ACACB: variants seen among roughly 807,000 people sequenced by gnomAD.
ACACB encodes acetyl-CoA carboxylase beta.
A neutral mutation model predicts 278.8 loss-of-function variants in ACACB; 209 were observed. That is an observed-to-expected ratio of 0.75 (90% CI 0.67 to 0.84). ACACB has a LOEUF of 0.84. Ranked by LOEUF, ACACB falls within the 40% of genes least tolerant of loss-of-function variation. ACACB has a pLI of 0.00. For missense variants in ACACB, 2,850 were observed against 3,269.0 expected (o/e 0.87, Z 3.13); for synonymous variants, 1,174 against 1,285.6 (o/e 0.91, Z 1.86).
At chr12:109,142,342 T>A (rs977740635) in intron 2 of ACACB, among the ~76,000 whole-genome samples, 8 of 152,156 alleles carry the variant, frequency 5.3e-5, no homozygotes, top group African/African-American at 1.9e-4. Flanking sequence ...GCCAAAATAG[T>A]CGTGAAGATT....
In ACACB at chr12:109,259,104, G is replaced by T; in HGVS notation, c.6492G>T (p.Met2164Ile). Reference sequence around the variant, plus strand: ...ACTGGAGGGGGTTCTCCGGTGGCATGAAAGGTAAGCCCCTCCCTGCCTATG... The same window carrying T: ...ACTGGAGGGGGTTCTCCGGTGGCATTAAAGGTAAGCCCCTCCCTGCCTATG... ...FANWRGFSGGMKDMYDQVLKF... is the reference protein window; with the variant it reads ...FANWRGFSGGIKDMYDQVLKF... The change falls in exon 47 of 53, where the codon ATG becomes ATT. Residue 2164 changes from methionine to isoleucine, a missense_variant. Around this residue, in one of 3 missense-constraint regions of ACACB, gnomAD observed 579 missense variants for 684.6 expected, o/e 0.85. Transcript: ENST00000338432. 1.9e-6 allele frequency: 3 copies of T among 1,613,976 alleles called. No individual in the cohort carries two copies. Among genetic ancestry groups the T allele is most frequent in the Non-Finnish European group, 2.5e-6 (3 of 1,179,966 alleles).
At chr12:109,190,512 C>T (rs1165139060) in intron 13 of ACACB, among the ~76,000 whole-genome samples, 1 of 152,228 alleles carries the variant, frequency 6.6e-6, no homozygotes, top group African/African-American at 2.4e-5. Context: ...AGGTGCACCC[C>T]ACACACACCA....
At chr12:109,129,717 A>AAAC (rs1565847034) in intron 1 of ACACB, among the ~76,000 whole-genome samples, 1 of 152,102 alleles carries the variant, frequency 6.6e-6, no homozygotes, top group African/African-American at 2.4e-5. Flanking sequence ...TGCCCCCCAA[A>AAAC]AGCAGTTCTA....
intron 11 of ACACB, among the ~76,000 whole-genome samples, chr12:109,181,493 G>C (rs1326381045): frequency 6.6e-6 from 1 of 152,064 alleles, no homozygotes. Context: ...TTCCCAAAGT[G>C]CTAGGATTAC....
chr12:109,254,801 G>A (rs1164386932), intron 44 of ACACB, among the ~76,000 whole-genome samples: 2 of 150,588 alleles, frequency 1.3e-5, no homozygotes, highest in African/African-American at 2.4e-5. Context: ...TTTTGAGACA[G>A]TGTTGCTCTG....
upstream of ACACB, among the ~76,000 whole-genome samples, chr12:109,112,398 A>T (rs2042322106): frequency 6.6e-6 from 1 of 151,740 alleles, no homozygotes; most frequent in South Asian, 2.1e-4. Context: ...TTAATTACTG[A>T]TTCTTTAGAA....
At chr12:109,251,901 C>G in intron 41 of ACACB, 145 bp from the exon 42 acceptor site, 1 of 545,580 alleles carries the variant, frequency 1.8e-6, no homozygotes, top group East Asian at 3.1e-5. Context: ...GCTTTTGCCT[C>G]TACTGTGGTT....
At chr12:109,253,603 G>A (rs1345168688) in intron 43 of ACACB, among the ~76,000 whole-genome samples, 1 of 152,200 alleles carries the variant, frequency 6.6e-6, no homozygotes, top group East Asian at 1.9e-4. Context: ...TTATCATGAT[G>A]ATTAAGTGAA....
upstream of ACACB, chr12:109,116,553 G>A (rs2042407311): frequency 6.6e-6 from 1 of 152,198 alleles, no homozygotes; most frequent in Non-Finnish European, 1.5e-5. Context: ...AACAGCAGGG[G>A]CTGATTAATC....
At chr12:109,118,570 C>T (rs1286715407) in intron 1 of ACACB, among the ~76,000 whole-genome samples, 4 of 152,122 alleles carry the variant, frequency 2.6e-5, no homozygotes, top group African/African-American at 7.2e-5. Context: ...AGCACTACCA[C>T]GCCCAGCTAA....
At chr12:109,185,890 A>G in intron 12 of ACACB, 150 bp downstream of exon 12, 3 of 671,840 alleles carry the variant, frequency 4.5e-6, no homozygotes, top group South Asian at 5.4e-5. Context: ...GGGACATCCC[A>G]TGGTTTATTT....
intron 1 of ACACB, among the ~76,000 whole-genome samples, chr12:109,126,001 G>T (rs1406526410): frequency 6.6e-6 from 1 of 152,160 alleles, no homozygotes; most frequent in Non-Finnish European, 1.5e-5. Flanking sequence ...GCAGGGCTGG[G>T]CCATTCCTGC....
chr12:109,142,190 A>G (rs1353428093), intron 2 of ACACB, among the ~76,000 whole-genome samples: 1 of 152,164 alleles, frequency 6.6e-6, no homozygotes, highest in African/African-American at 2.4e-5. Context: ...TTGTGGTTAT[A>G]GTGAGCTATA....
At chr12:109,135,155 C>G (rs1486315844) in intron 1 of ACACB, among the ~76,000 whole-genome samples, 1 of 152,190 alleles carries the variant, frequency 6.6e-6, no homozygotes, top group Non-Finnish European at 1.5e-5. Context: ...GTTCCAATTT[C>G]TGTACCTCTT....
In ACACB at chr12:109,180,115, A is replaced by C. The variant is rs1313693389; in HGVS notation, c.1818+28A>C. The C allele has an allele frequency of 1.9e-6, 3 of 1,603,756 alleles. No homozygotes were observed. In the African/African-American group the frequency reaches 4.0e-5, roughly 21 times the overall value. ...GAGAAAATGGGCTTGGGGCCCTGGG[A>C]CTTCTCTGCCCTGGGTCAGGGGTCC... On this transcript the variant is annotated intron_variant, in intron 11 of 52. Transcript: ENST00000338432.
At position 109,242,678 on chromosome 12, in the gene ACACB, T is replaced by C; in HGVS notation, c.5178+86T>C. ...CAAAGCCCATCCTTAATTCTCCTTC[T>C]AAAGACCTAGTCTAAAGGACAAGGT... On this transcript the variant is annotated intron_variant, in intron 37 of 52. Coordinates refer to ENST00000338432, the MANE Select transcript of ACACB (RefSeq NM_001093.4). The C allele has an allele frequency of 1.3e-6, 2 of 1,498,760 alleles. 1 individual carries two copies. Among genetic ancestry groups the C allele is most frequent in the South Asian group, 2.5e-5 (2 of 80,932 alleles). The allele number at this position is 1,498,760 out of a possible 1,614,324, so 92.8% of individuals were successfully genotyped here. A position where few individuals can be genotyped will look rare whatever the true frequency, so the allele number is the denominator to read the frequency against.
chr12:109,185,836 T>A, intron 12 of ACACB, 96 bp downstream of exon 12: 1 of 1,259,308 alleles, frequency 7.9e-7, no homozygotes, highest in Non-Finnish European at 1.1e-6. Context: ...CCACAAGCTA[T>A]CCAGGCATCT....
intron 22 of ACACB, 51 bp from the exon 23 acceptor site, chr12:109,216,567 G>C: frequency 6.5e-7 from 1 of 1,533,554 alleles, no homozygotes; most frequent in East Asian, 2.3e-5. Context: ...TAAATATTCA[G>C]GTACTCAAGG....
Position 109,209,883 on chromosome 12 carries a change from GTA to G in ACACB, c.3249+536_3249+537del, listed in dbSNP as rs765283650. 2.6e-3 allele frequency among the ~76,000 whole-genome samples: 343 copies of G among 130,234 alleles called. 40 individuals carry two copies. Among genetic ancestry groups the G allele is most frequent in the Non-Finnish European group, 4.5e-3 (276 of 60,686 alleles). 85.4% of individuals were successfully genotyped at this position (130,234 alleles called of 152,430 possible). A position where few individuals can be genotyped will look rare whatever the true frequency, so the allele number is the denominator to read the frequency against. ...TATATACACACATACACACACGTGT[GTA>G]TATATGTATATACACACATACACAC... is the stretch of plus-strand genomic sequence containing the variant. On this transcript the variant is annotated intron_variant, in intron 21 of 52. Transcript: ENST00000338432.
Sources: gnomAD v4.1 joint callset for allele counts (sites outside exome capture counted in the v4.1 genomes callset) on GRCh38, gnomAD v4.1.1 for gene constraint, gnomAD v4.1.1 regional missense constraint, MANE v1.5 for transcripts, NCBI Gene and HGNC (gene_info 2026-07-23, HGNC 2026-07-21) for gene names.